PPP1R21: variants seen among roughly 807,000 people sequenced by gnomAD.
PPP1R21 encodes the protein KLRAQ motif containing 1.
In PPP1R21, 85 loss-of-function variants were observed where a neutral mutation model predicts 112.8. The ratio of observed to expected loss-of-function variants is 0.75; its 90% CI spans 0.63 to 0.90. PPP1R21 has a LOEUF of 0.90. PPP1R21 is among the 40% of genes least tolerant of loss of function. The probability of loss-of-function intolerance (pLI) is 0.00; values close to 1 mark genes in which losing one functional copy is unlikely to be tolerated. For missense variants in PPP1R21, 1,199 were observed against 901.5 expected, an observed-to-expected ratio of 1.33 and a Z score of -4.23; for synonymous variants, 381 against 322.3, an observed-to-expected ratio of 1.18 and a Z score of -1.95.
At chr2:48,470,519 C>CAAA (rs34486239) in intron 9 of PPP1R21, among the ~76,000 whole-genome samples, 1 of 79,406 alleles carries the variant, frequency 1.3e-5, no homozygotes. Flanking sequence ...AACTCTGTCT[C>CAAA]AAAAAAAAAA....
At chr2:48,459,182 C>A (rs1302108239) in intron 4 of PPP1R21, among the ~76,000 whole-genome samples, 3 of 149,814 alleles carry the variant, frequency 2.0e-5, no homozygotes, top group African/African-American at 4.9e-5. Flanking sequence ...GTAGGAAACA[C>A]ACACACACAC....
intron 14 of PPP1R21, among the ~76,000 whole-genome samples, 193 bp downstream of exon 14, chr2:48,486,951 C>T (rs1335644409): frequency 6.6e-6 from 1 of 152,180 alleles, no homozygotes; most frequent in African/African-American, 2.4e-5. Flanking sequence ...GGATCTCTCG[C>T]TATGTTGCCA....
At chr2:48,476,569 A>C (rs1159719997) in intron 12 of PPP1R21, among the ~76,000 whole-genome samples, 2 of 152,164 alleles carry the variant, frequency 1.3e-5, no homozygotes, top group Non-Finnish European at 2.9e-5. Context: ...TCCTACTAGC[A>C]GTGTATGAGG....
intron 16 of PPP1R21, among the ~76,000 whole-genome samples, 182 bp from the exon 17 acceptor site, chr2:48,498,311 G>A (rs778961594): frequency 6.6e-6 from 1 of 150,670 alleles, no homozygotes; most frequent in Non-Finnish European, 1.5e-5. Context: ...TTAATTTCTC[G>A]ATTTATGGTT....
chr2:48,478,189 G>A (rs1002756757), intron 12 of PPP1R21, among the ~76,000 whole-genome samples: 1 of 152,146 alleles, frequency 6.6e-6, no homozygotes, highest in Non-Finnish European at 1.5e-5. Context: ...CCTTGATTTT[G>A]GACTTCTGGC....
chr2:48,483,284 C>A (rs892593505), intron 13 of PPP1R21, among the ~76,000 whole-genome samples: 1 of 133,106 alleles, frequency 7.5e-6, no homozygotes, highest in South Asian at 2.4e-4. Flanking sequence ...CAGGTTCAAG[C>A]GATTCTCCTG....
At chr2:48,467,430 A>C (rs1318897744) in intron 9 of PPP1R21, among the ~76,000 whole-genome samples, 2 of 152,250 alleles carry the variant, frequency 1.3e-5, no homozygotes, top group Admixed American at 1.3e-4. Context: ...AACATTTACT[A>C]TCTCACAGTT....
At chr2:48,479,137 C>T (rs1449496693) in intron 12 of PPP1R21, among the ~76,000 whole-genome samples, 1 of 152,168 alleles carries the variant, frequency 6.6e-6, no homozygotes, top group East Asian at 1.9e-4. Flanking sequence ...GAGCCTCCAT[C>T]TTAGGAGTAG....
At chr2:48,464,876 TAA>T in intron 7 of PPP1R21, 59 bp from the exon 8 acceptor site, 1 of 1,304,904 alleles carries the variant, frequency 7.7e-7, no homozygotes, top group Non-Finnish European at 1.1e-6. Flanking sequence ...ATTTTGCATT[TAA>T]GTTATTTTCC....
At chr2:48,473,420 T>TA (rs1319240454) in intron 11 of PPP1R21, among the ~76,000 whole-genome samples, 4 of 152,336 alleles carry the variant, frequency 2.6e-5, no homozygotes, top group South Asian at 2.1e-4. Context: ...TTGAAAGAGT[T>TA]ATGAATTTTA....
chr2:48,460,065 A>T, intron 5 of PPP1R21, 30 bp from the exon 6 acceptor site: 7 of 1,613,488 alleles, frequency 4.3e-6, no homozygotes, highest in Non-Finnish European at 5.9e-6. Context: ...AGCCTGAGCC[A>T]TCTGTGTTTC....
chr2:48,503,744 G>A lies in PPP1R21; in HGVS notation c.1936-1820G>A, dbSNP rs535076044. On this transcript the variant is annotated intron_variant, in intron 17 of 21. Coordinates refer to ENST00000294952, the MANE Select transcript of PPP1R21 (RefSeq NM_001135629.3). ...GGGTGGATCATGAGGTCAAGAGTTC[G>A]AAACCAGCCTGGCCAACATGGTGAA... Among the ~76,000 whole-genome samples, 549 of 151,532 alleles carry A rather than the reference G, an allele frequency of 3.6e-3. 1 individual carries two copies. The highest frequency in any genetic ancestry group is 0.013 in the African/African-American group (535 of 41,274).
intron 17 of PPP1R21, among the ~76,000 whole-genome samples, chr2:48,503,206 T>C (rs1428135170): frequency 6.6e-6 from 1 of 152,222 alleles, no homozygotes; most frequent in Non-Finnish European, 1.5e-5. Flanking sequence ...ATTTTAAGTA[T>C]AAAAATGACA....
chr2:48,479,383 C>T, intron 12 of PPP1R21: 2 of 437,566 alleles, frequency 4.6e-6, no homozygotes, highest in Non-Finnish European at 4.7e-6. Flanking sequence ...ACTGTTATTA[C>T]TGAGTTGTTA....
intron 9 of PPP1R21, among the ~76,000 whole-genome samples, chr2:48,469,078 T>G (rs1393143344): frequency 6.6e-6 from 1 of 151,568 alleles, no homozygotes; most frequent in Non-Finnish European, 1.5e-5. Context: ...TGGAAACCCC[T>G]GATAAACCTG....
At chr2:48,459,269 A>G (rs1244039004) in intron 4 of PPP1R21, among the ~76,000 whole-genome samples, 3 of 152,142 alleles carry the variant, frequency 2.0e-5, no homozygotes, top group Non-Finnish European at 4.4e-5. Context: ...AGTATTCACA[A>G]TTCTTTATTA....
At chr2:48,454,153 C>T (rs372694809) in intron 2 of PPP1R21, among the ~76,000 whole-genome samples, 1 of 152,000 alleles carries the variant, frequency 6.6e-6, no homozygotes, top group African/African-American at 2.4e-5. Context: ...CCCAGCCACT[C>T]GGGAGGCTGA....
Position 48,510,014 on chromosome 2 carries a change from G to T in PPP1R21, c.2086-1G>T. On this transcript the variant is annotated splice_acceptor_variant, in intron 19 of 21. Transcript: ENST00000294952. LOFTEE classifies it high-confidence loss of function. The stretch of plus-strand genomic sequence containing the variant: ...TAATGGAATGTTTTCTGATTTTACA[G>T]TGCCGAGCACTGTCTAAAAGACTGG... 1 of 1,599,384 alleles carries T rather than the reference G, an allele frequency of 6.3e-7. No homozygotes were observed. The highest frequency in any genetic ancestry group is 8.5e-7 in the Non-Finnish European group (1 of 1,172,336).
intron 2 of PPP1R21, among the ~76,000 whole-genome samples, chr2:48,452,717 A>G (rs1229792415): frequency 6.6e-6 from 1 of 152,032 alleles, no homozygotes; most frequent in East Asian, 1.9e-4. Context: ...AGGTGTAATC[A>G]ATGCTCATTG....
Sources: allele counts gnomAD v4.1 joint callset (sites outside exome capture counted in the v4.1 genomes callset), GRCh38; gene constraint gnomAD v4.1.1; transcripts MANE v1.5; gene names NCBI Gene and HGNC (gene_info 2026-07-23, HGNC 2026-07-21).